Variants in MSRA observed in about 807,000 individuals in gnomAD.
The protein encoded by MSRA is mitochondrial peptide methionine sulfoxide reductase.
MSRA carries 54 observed loss-of-function variants against 31.3 expected under a neutral mutation model. The observed-to-expected ratio is 1.73, with a 90% CI of 1.39 to 2.17. The LOEUF (loss-of-function observed/expected upper bound fraction) is 2.17, where lower values mean the gene tolerates loss of function less well. Among genes scored for constraint, MSRA ranks in the 30% most tolerant of loss-of-function variants. MSRA has a pLI of 0.00. For missense variants in MSRA, 507 were observed against 300.9 expected, an observed-to-expected ratio of 1.69 and a Z score of -5.07; for synonymous variants, 169 against 116.5, an observed-to-expected ratio of 1.45 and a Z score of -2.90.
chr8:10,262,136 A>G (rs1209698265), intron 3 of MSRA, among the ~76,000 whole-genome samples: 1 of 152,216 alleles, frequency 6.6e-6, no homozygotes, highest in African/African-American at 2.4e-5. Flanking sequence ...TCTTGAAATA[A>G]TTGCAGTTGC....
rs186519217 is a variant in MSRA at position 10,124,922 on chromosome 8, G to A, written c.142+70264G>A. ...AAGATGTATTTTATTATTTAGAAAG[G>A]TAGAGAACATTATTTTGGAATATAA... On this transcript the variant is annotated intron_variant, in intron 1 of 5. Transcript: ENST00000317173. Among the ~76,000 whole-genome samples, 10 of 152,288 alleles carry A rather than the reference G, an allele frequency of 6.6e-5. 1 individual carries two copies. The East Asian group carries it at 1.9e-3, about 29-fold the overall frequency.
chr8:10,335,773 A>G (rs749445360), intron 5 of MSRA, among the ~76,000 whole-genome samples: 53 of 152,372 alleles, frequency 3.5e-4, no homozygotes, highest in Admixed American at 5.9e-4. Flanking sequence ...GCCTTCCCCA[A>G]CATAGGACCA....
chr8:10,369,116 G>A (rs145090465), intron 5 of MSRA, among the ~76,000 whole-genome samples: 1 of 152,290 alleles, frequency 6.6e-6, no homozygotes, highest in East Asian at 1.9e-4. Context: ...GAGAAAAACA[G>A]TTGTATTAAG....
Position 10,124,541 on chromosome 8 carries a change from C to G in MSRA, c.142+69883C>G, listed in dbSNP as rs74967867. 6.4e-3 allele frequency among the ~76,000 whole-genome samples: 977 copies of G among 152,330 alleles called. 11 individuals carry two copies. Among genetic ancestry groups the G allele is most frequent in the African/African-American group, 0.022 (897 of 41,576 alleles). ...TGGTGCCATAATTGGAGCTAGGACT[C>G]ACTTCTTGCTCCTATGATTCTACTT... is the stretch of plus-strand genomic sequence containing the variant. On this transcript the variant is annotated intron_variant, in intron 1 of 5. Coordinates refer to ENST00000317173, the MANE Select transcript of MSRA (RefSeq NM_012331.5).
intron 1 of MSRA, among the ~76,000 whole-genome samples, chr8:10,070,569 A>G (rs1797680265): frequency 6.6e-6 from 1 of 152,198 alleles, no homozygotes; most frequent in Non-Finnish European, 1.5e-5. Flanking sequence ...CAACGAGGAT[A>G]TTGACAATGA....
intron 4 of MSRA, among the ~76,000 whole-genome samples, chr8:10,304,180 A>G (rs898581304): frequency 6.6e-6 from 1 of 151,956 alleles, no homozygotes; most frequent in South Asian, 2.1e-4. Flanking sequence ...CAAGTGATCC[A>G]CCCTCCTTGG....
intron 3 of MSRA, among the ~76,000 whole-genome samples, chr8:10,266,105 T>A (rs1445387495): frequency 6.6e-6 from 1 of 152,260 alleles, no homozygotes; most frequent in African/African-American, 2.4e-5. Flanking sequence ...CTTACATTAA[T>A]ACCTAGAAAT....
intron 2 of MSRA, among the ~76,000 whole-genome samples, chr8:10,226,159 G>A (rs887943464): frequency 1.3e-5 from 2 of 152,172 alleles, no homozygotes; most frequent in Non-Finnish European, 2.9e-5. Flanking sequence ...GACTGTTCAG[G>A]TGACTATAGG....
chr8:10,335,273 T>TG (rs1766935318), intron 5 of MSRA, among the ~76,000 whole-genome samples: 2 of 141,862 alleles, frequency 1.4e-5, no homozygotes, highest in African/African-American at 5.1e-5. Flanking sequence ...TTTTTTTTTT[T>TG]GTAGTGTTTG....
intron 1 of MSRA, among the ~76,000 whole-genome samples, chr8:10,122,202 G>A (rs746547948): frequency 4.6e-5 from 7 of 152,158 alleles, no homozygotes; most frequent in Non-Finnish European, 8.8e-5. Context: ...TGATGTACAT[G>A]TCTAGCATGT....
intron 1 of MSRA, among the ~76,000 whole-genome samples, chr8:10,076,994 T>G (rs1449426990): frequency 1.3e-5 from 2 of 150,108 alleles, no homozygotes; most frequent in Non-Finnish European, 2.9e-5. Context: ...CATGGTGGTT[T>G]GCTGCACCTA....
intron 1 of MSRA, among the ~76,000 whole-genome samples, chr8:10,125,416 A>T (rs1801428414): frequency 1.3e-5 from 2 of 152,118 alleles, no homozygotes. Context: ...AGCTATGGAG[A>T]AGAAGAGGGG....
At chr8:10,171,228 A>T (rs1805559931) in intron 1 of MSRA, among the ~76,000 whole-genome samples, 1 of 152,150 alleles carries the variant, frequency 6.6e-6, no homozygotes, top group African/African-American at 2.4e-5. Flanking sequence ...AGTGAGTTTG[A>T]ATATGTTTTA....
At chr8:10,092,024 C>G (rs60227095) in intron 1 of MSRA, among the ~76,000 whole-genome samples, 1 of 151,936 alleles carries the variant, frequency 6.6e-6, no homozygotes, top group African/African-American at 2.4e-5. Context: ...CTTGTCAATA[C>G]TTGTTTTTGT....
In MSRA at chr8:10,339,516, G is replaced by C. The variant is rs1451282153; in HGVS notation, c.543+19527G>C. Among the ~76,000 whole-genome samples, 13 of 147,474 alleles carry C rather than the reference G, an allele frequency of 8.8e-5. No individual in the cohort carries two copies. In the Admixed American group the frequency reaches 8.9e-4, roughly 10 times the overall value. On this transcript the variant is annotated intron_variant, in intron 5 of 5. Coordinates refer to ENST00000317173, the MANE Select transcript of MSRA (RefSeq NM_012331.5). ...TTTGTTTTATTCCCTGTTAAGCAAG[G>C]GGTTTTCTTTCTTTCTTTTTTTTTT...
At chr8:10,293,916 A>C (rs1399351541) in intron 3 of MSRA, among the ~76,000 whole-genome samples, 2 of 152,140 alleles carry the variant, frequency 1.3e-5, no homozygotes, top group African/African-American at 4.8e-5. Flanking sequence ...ACTAAGAATC[A>C]TCTTGGGCCA....
chr8:10,141,988 C>T (rs760724937), intron 1 of MSRA, among the ~76,000 whole-genome samples: 12 of 152,102 alleles, frequency 7.9e-5, no homozygotes, highest in Non-Finnish European at 1.8e-4. Flanking sequence ...GATGGAGTTT[C>T]GCACTTGTTT....
chr8:10,098,418 G>A lies in MSRA; in HGVS notation c.142+43760G>A, dbSNP rs544078625. Among the ~76,000 whole-genome samples, 17 of 152,178 alleles carry A rather than the reference G, an allele frequency of 1.1e-4. No individual in the cohort carries two copies. In the South Asian group the frequency reaches 1.7e-3, roughly 15 times the overall value. On this transcript the variant is annotated intron_variant, in intron 1 of 5. Coordinates refer to ENST00000317173, the MANE Select transcript of MSRA (RefSeq NM_012331.5). ...AATTAATGCGAACTTCTCAGGAAGC[G>A]TTAGTCCAGTATTTTATAATTACTC...
intron 5 of MSRA, among the ~76,000 whole-genome samples, chr8:10,336,578 A>G (rs1803059339): frequency 6.6e-6 from 1 of 152,208 alleles, no homozygotes; most frequent in South Asian, 2.1e-4. Flanking sequence ...GGAAAGAGAC[A>G]ATATTGGGCA....
Sources: allele counts gnomAD v4.1 joint callset (sites outside exome capture counted in the v4.1 genomes callset), GRCh38; gene constraint gnomAD v4.1.1; transcripts MANE v1.5; gene names NCBI Gene and HGNC (gene_info 2026-07-23, HGNC 2026-07-21).